GSE1: variants seen among roughly 807,000 people sequenced by gnomAD.
The protein encoded by GSE1 is Gse1 coiled-coil protein, also known as genetic suppressor element 1.
A neutral mutation model predicts 112.6 loss-of-function variants in GSE1; 32 were observed. The observed-to-expected ratio is 0.28, with a 90% CI of 0.21 to 0.38. The LOEUF is 0.38. GSE1 is among the 10% of genes least tolerant of loss of function. The pLI, the probability that GSE1 is intolerant of heterozygous loss-of-function variation, is 1.00. For synonymous variants in GSE1, 1,115 were observed against 735.6 expected, an observed-to-expected ratio of 1.52 and a Z score of -8.35; for missense variants, 2,348 against 1,699.2, an observed-to-expected ratio of 1.38 and a Z score of -6.71.
chr16:85,466,675 T>C (rs944377718), intron 2 of GSE1, among the ~76,000 whole-genome samples: 5 of 140,440 alleles, frequency 3.6e-5, no homozygotes, highest in African/African-American at 1.3e-4. Flanking sequence ...GTTTGCAAAT[T>C]AAAAAAAAAA....
At chr16:85,334,640 G>A (rs1336809870) in intron 1 of GSE1, among the ~76,000 whole-genome samples, 1 of 152,176 alleles carries the variant, frequency 6.6e-6, no homozygotes, top group Non-Finnish European at 1.5e-5. Context: ...GCCCCTTATT[G>A]GGGCTATGTG....
chr16:85,301,980 T>TG (rs1202338029), intron 1 of GSE1, among the ~76,000 whole-genome samples: 1 of 152,194 alleles, frequency 6.6e-6, no homozygotes. Context: ...TCCACCCTCA[T>TG]GGGGCACAGC....
chr16:85,414,388 T>G (rs35078160), intron 2 of GSE1, among the ~76,000 whole-genome samples: 21,951 of 152,236 alleles, frequency 0.14, 1,675 homozygotes, highest in Middle Eastern at 0.24. Flanking sequence ...ACGCAGGCCA[T>G]GTACACATCT....
intron 1 of GSE1, among the ~76,000 whole-genome samples, chr16:85,624,936 G>C (rs375465569): frequency 6.6e-6 from 1 of 152,232 alleles, no homozygotes; most frequent in South Asian, 2.1e-4. Flanking sequence ...TTTGCTGTTC[G>C]CAGCTTTGCT....
At chr16:85,274,724 C>T (rs755335555) in intron 1 of GSE1, among the ~76,000 whole-genome samples, 1 of 152,236 alleles carries the variant, frequency 6.6e-6, no homozygotes, top group African/African-American at 2.4e-5. Context: ...AAACCCAGAG[C>T]GCTGGTCCAG....
chr16:85,432,374 A>C (rs918922944), intron 2 of GSE1, among the ~76,000 whole-genome samples: 4 of 152,240 alleles, frequency 2.6e-5, no homozygotes, highest in African/African-American at 9.6e-5. Flanking sequence ...GGGAATTCTC[A>C]GTAGCGTTCA....
At chr16:85,632,298 C>T (rs909522087) in intron 1 of GSE1, among the ~76,000 whole-genome samples, 1 of 152,204 alleles carries the variant, frequency 6.6e-6, no homozygotes, top group Non-Finnish European at 1.5e-5. Flanking sequence ...TGAGCTCTCA[C>T]TGGGGAGAAC....
intron 2 of GSE1, among the ~76,000 whole-genome samples, chr16:85,545,128 TGCGTCCCAGGAG>T (rs2044652474): frequency 1.3e-5 from 2 of 152,258 alleles, no homozygotes; most frequent in Admixed American, 1.3e-4. Context: ...GTGGCCCGTC[TGCGTCCCAGGAG>T]GCGTTCCGAG....
At chr16:85,614,754 C>T (rs1378382967) in intron 1 of GSE1, among the ~76,000 whole-genome samples, 1 of 152,200 alleles carries the variant, frequency 6.6e-6, no homozygotes, top group Non-Finnish European at 1.5e-5. Context: ...CACACTAAAC[C>T]CTTGCTCCCC....
In GSE1 at chr16:85,351,362, C is replaced by T. The variant is rs555130840; in HGVS notation, c.2284-6101C>T. Among the ~76,000 whole-genome samples the T allele has an allele frequency of 9.9e-5, 15 of 152,260 alleles. 1 individual carries two copies. The South Asian group carries it at 3.1e-3, about 32-fold the overall frequency. On this transcript the variant is annotated intron_variant, in intron 1 of 2. Transcript: ENST00000637419. ...GTTTACACACTACAACATGACAAAC[C>T]TGAAAACATGGTGCTAACTTTAAAA...
chr16:85,419,605 CAAAAAAAA>C lies in GSE1; in HGVS notation c.2464+61967_2464+61974del, dbSNP rs35813254. On this transcript the variant is annotated intron_variant, in intron 2 of 2. Coordinates refer to the GSE1 transcript ENST00000637419. This position sits in a 1 kb window ranked among gnomAD's most constrained non-coding sequence, Gnocchi z 6.5. ...TGGGCAATAGAGCAAGGCTGTGTCTCAAAAAAAAAAAACAAAAAACAAAAAACAAAAAA... is the reference window on the plus strand; with the variant it reads ...TGGGCAATAGAGCAAGGCTGTGTCTCAAAACAAAAAACAAAAAACAAAAAA... Among the ~76,000 whole-genome samples the C allele has an allele frequency of 6.9e-6, 1 of 145,522 alleles. No individual in the cohort carries two copies. The highest frequency in any genetic ancestry group is 1.5e-5 in the Non-Finnish European group (1 of 66,164).
chr16:85,223,885 G>A (rs960251698), intron 1 of GSE1, among the ~76,000 whole-genome samples: 6 of 152,106 alleles, frequency 3.9e-5, no homozygotes, highest in African/African-American at 1.2e-4. Flanking sequence ...GATTACCGGC[G>A]TGAGCGACCT....
chr16:85,643,930 C>T lies in GSE1; in HGVS notation c.227-4622C>T, dbSNP rs559272882. Among the ~76,000 whole-genome samples, 96 of 152,070 alleles carry T rather than the reference C, an allele frequency of 6.3e-4. 2 individuals are homozygous for T. The South Asian group carries it at 0.016, about 26-fold the overall frequency. ...GGTGTGTTGGTTTTATTTCCTTTTT[C>T]GGCTCCACAGCACAAATGTCCACAT... is the stretch of plus-strand genomic sequence containing the variant. On this transcript the variant is annotated intron_variant, in intron 2 of 15. Transcript: ENST00000253458.
intron 1 of GSE1, among the ~76,000 whole-genome samples, chr16:85,286,348 A>C (rs1254722352): frequency 1.3e-5 from 2 of 152,182 alleles, no homozygotes; most frequent in African/African-American, 4.8e-5. Flanking sequence ...ATGACAACTC[A>C]GCTGTGACAA....
chr16:85,396,792 C>T (rs759055957), intron 2 of GSE1, among the ~76,000 whole-genome samples: 22 of 152,174 alleles, frequency 1.4e-4, no homozygotes, highest in Admixed American at 2.6e-4. Context: ...GTCTGGGAAG[C>T]GCAGGTCAGG....
chr16:85,631,168 C>T (rs2049510615), intron 1 of GSE1, among the ~76,000 whole-genome samples: 1 of 152,220 alleles, frequency 6.6e-6, no homozygotes. Context: ...TGTGCCACTT[C>T]GTCTTTCTAG....
chr16:85,507,992 C>T (rs562625855), intron 2 of GSE1, among the ~76,000 whole-genome samples: 3 of 152,152 alleles, frequency 2.0e-5, no homozygotes, highest in South Asian at 2.1e-4. Flanking sequence ...CCCCCTGTGG[C>T]CCCCTGCCGA....
At chr16:85,625,911 T>TG (rs2049036328) in intron 1 of GSE1, among the ~76,000 whole-genome samples, 1 of 152,130 alleles carries the variant, frequency 6.6e-6, no homozygotes, top group African/African-American at 2.4e-5. Flanking sequence ...GGCGCTGTGT[T>TG]GCTCTTTCCT....
chr16:85,183,149 A>G (rs2074628534), intron 1 of GSE1, among the ~76,000 whole-genome samples: 1 of 151,994 alleles, frequency 6.6e-6, no homozygotes, highest in Admixed American at 6.5e-5. Flanking sequence ...TCGCACTCAT[A>G]CACCTGCACA....
Sources: allele counts gnomAD v4.1 joint callset (sites outside exome capture counted in the v4.1 genomes callset), GRCh38; gene constraint gnomAD v4.1.1; non-coding constraint Gnocchi (gnomAD v3.1); transcripts MANE v1.5; gene names NCBI Gene and HGNC (gene_info 2026-07-23, HGNC 2026-07-21).